Variants in MPDZ observed in about 807,000 individuals in gnomAD.
The protein encoded by MPDZ is multiple PDZ domain protein.
MPDZ carries 234 observed loss-of-function variants against 239.1 expected under a neutral mutation model. That is an observed-to-expected ratio of 0.98 (90% confidence interval 0.88 to 1.09). MPDZ has a LOEUF of 1.09. Ranked by LOEUF, MPDZ falls within the 50% of genes least tolerant of loss-of-function variation. The pLI, the probability that MPDZ is intolerant of heterozygous loss-of-function variation, is 0.00. For synonymous variants in MPDZ, 1,048 were observed against 881.3 expected (o/e 1.19, Z -3.35); for missense variants, 3,175 against 2,510.0 (o/e 1.26, Z -5.66).
chr9:13,274,743 G>A (rs1386805349), intron 1 of MPDZ: 2 of 151,554 alleles, frequency 1.3e-5, no homozygotes, highest in Admixed American at 6.6e-5. Context: ...CACAAAACAC[G>A]TATAAGACAG....
At chr9:13,169,740 G>C (rs942044601) in intron 21 of MPDZ, among the ~76,000 whole-genome samples, 1 of 152,222 alleles carries the variant, frequency 6.6e-6, no homozygotes, top group Admixed American at 6.5e-5. Flanking sequence ...CAACATACTT[G>C]CTCAGCACAG....
intron 18 of MPDZ, among the ~76,000 whole-genome samples, chr9:13,184,395 G>A (rs888636006): frequency 6.6e-6 from 1 of 151,516 alleles, no homozygotes; most frequent in Non-Finnish European, 1.5e-5. Context: ...GTCTATCTTG[G>A]CAAAATTCCA....
At chr9:13,272,506 T>G (rs921473591) in intron 1 of MPDZ, among the ~76,000 whole-genome samples, 1 of 151,232 alleles carries the variant, frequency 6.6e-6, no homozygotes, top group Non-Finnish European at 1.5e-5. Flanking sequence ...TGGGAAAGGG[T>G]TGGAAGGGTC....
intron 15 of MPDZ, 127 bp downstream of exon 15, chr9:13,192,004 T>G: frequency 1.2e-6 from 1 of 816,672 alleles, no homozygotes; most frequent in South Asian, 4.8e-5. Flanking sequence ...GACTTTAAAT[T>G]CTATCCTCCA....
At chr9:13,223,482 T>C (rs1959466486) in intron 5 of MPDZ, 89 bp downstream of exon 5, 1 of 1,405,356 alleles carries the variant, frequency 7.1e-7, no homozygotes, top group Middle Eastern at 2.4e-4. Flanking sequence ...TTTGTTGCCA[T>C]TCATTATTAT....
intron 24 of MPDZ, among the ~76,000 whole-genome samples, chr9:13,157,436 A>T (rs1949957466): frequency 6.6e-6 from 1 of 152,198 alleles, no homozygotes; most frequent in African/African-American, 2.4e-5. Context: ...ATCAGGACTC[A>T]GTAAATTCCT....
chr9:13,131,708 T>A (rs1466102769), intron 32 of MPDZ, among the ~76,000 whole-genome samples: 1 of 152,160 alleles, frequency 6.6e-6, no homozygotes, highest in African/African-American at 2.4e-5. Flanking sequence ...TTCTAGAGGG[T>A]GGATGCTGGG....
intron 6 of MPDZ, among the ~76,000 whole-genome samples, 186 bp downstream of exon 6, chr9:13,222,047 G>T (rs1400124148): frequency 6.6e-6 from 1 of 152,050 alleles, no homozygotes; most frequent in Non-Finnish European, 1.5e-5. Context: ...AAAAGTAATT[G>T]TTGTTTTAGA....
chr9:13,259,222 TAA>T (rs1421665509), intron 1 of MPDZ, among the ~76,000 whole-genome samples: 1 of 150,360 alleles, frequency 6.7e-6, no homozygotes, highest in Non-Finnish European at 1.5e-5. Flanking sequence ...TTAGGCTTCC[TAA>T]TATAGCCTCC....
chr9:13,110,143 C>G, intron 44 of MPDZ, 79 bp from the exon 45 acceptor site: 1 of 919,314 alleles, frequency 1.1e-6, no homozygotes, highest in South Asian at 1.5e-5. Flanking sequence ...AGAAAGAGCA[C>G]TTGGATTAAA....
intron 2 of MPDZ, among the ~76,000 whole-genome samples, chr9:13,248,486 CCAGA>C (rs777183866): frequency 1.4e-4 from 21 of 151,990 alleles, no homozygotes; most frequent in South Asian, 6.2e-4. Flanking sequence ...CATACTTACG[CCAGA>C]CAGTTTCCAC....
At chr9:13,269,133 C>T (rs1972432624) in intron 1 of MPDZ, among the ~76,000 whole-genome samples, 1 of 152,128 alleles carries the variant, frequency 6.6e-6, no homozygotes, top group South Asian at 2.1e-4. Flanking sequence ...CAGTTGGTAA[C>T]TGTTAGGGCC....
intron 26 of MPDZ, among the ~76,000 whole-genome samples, chr9:13,144,069 T>C (rs376183258): frequency 1.6e-4 from 24 of 152,036 alleles, no homozygotes; most frequent in African/African-American, 5.3e-4. Flanking sequence ...AAACTTTCCA[T>C]ATTTTGACTG....
At chr9:13,262,830 A>C (rs1970990810) in intron 1 of MPDZ, among the ~76,000 whole-genome samples, 1 of 152,068 alleles carries the variant, frequency 6.6e-6, no homozygotes, top group Non-Finnish European at 1.5e-5. Context: ...AGATTTACAG[A>C]ATAAGTAGTT....
chr9:13,262,290 T>TA (rs201182357), intron 1 of MPDZ, among the ~76,000 whole-genome samples: 31 of 147,354 alleles, frequency 2.1e-4, no homozygotes, highest in Middle Eastern at 3.5e-3. Flanking sequence ...TAACAAAAAA[T>TA]AAAAAAAAAA....
intron 1 of MPDZ, among the ~76,000 whole-genome samples, chr9:13,261,220 G>C (rs1970607964): frequency 6.6e-6 from 1 of 152,216 alleles, no homozygotes; most frequent in Non-Finnish European, 1.5e-5. Flanking sequence ...TCAGTTGATA[G>C]AGACAGAATA....
intron 10 of MPDZ, among the ~76,000 whole-genome samples, chr9:13,211,774 T>TA (rs1190321563): frequency 6.6e-6 from 1 of 151,968 alleles, no homozygotes; most frequent in Non-Finnish European, 1.5e-5. Context: ...TTAAGTAAAA[T>TA]AAAAAGGTAT....
intron 45 of MPDZ, 48 bp from the exon 46 acceptor site, chr9:13,109,107 C>A (rs74678917): frequency 7.4e-6 from 9 of 1,214,516 alleles, no homozygotes; most frequent in Middle Eastern, 2.7e-4. Context: ...AAAAAAAAAA[C>A]TATACATATA....
intron 1 of MPDZ, among the ~76,000 whole-genome samples, chr9:13,274,193 C>T (rs1280428046): frequency 6.6e-6 from 1 of 151,852 alleles, no homozygotes; most frequent in Non-Finnish European, 1.5e-5. Flanking sequence ...TAAATAATTA[C>T]CTTATGTATT....
Sources: allele counts gnomAD v4.1 joint callset (sites outside exome capture counted in the v4.1 genomes callset), GRCh38; gene constraint gnomAD v4.1.1; transcripts MANE v1.5; gene names NCBI Gene and HGNC (gene_info 2026-07-23, HGNC 2026-07-21).